ADARB2: variants seen among roughly 807,000 people sequenced by gnomAD.
ADARB2 encodes the protein inactive double-stranded RNA-specific editase B2.
In ADARB2, 25 loss-of-function variants were observed where a neutral mutation model predicts 62.2. That is an observed-to-expected ratio of 0.40 (90% CI 0.29 to 0.56). ADARB2 has a LOEUF of 0.56. Among genes scored for constraint, ADARB2 ranks in the 20% least tolerant of loss-of-function variants. The pLI, the probability that ADARB2 is intolerant of heterozygous loss-of-function variation, is 0.43. For missense variants in ADARB2, 1,071 were observed against 1,077.4 expected, an observed-to-expected ratio of 0.99 and a Z score of 0.08; for synonymous variants, 572 against 500.8, an observed-to-expected ratio of 1.14 and a Z score of -1.90.
intron 1 of ADARB2, among the ~76,000 whole-genome samples, chr10:1,581,570 C>G (rs1833099495): frequency 6.6e-6 from 1 of 152,156 alleles, no homozygotes; most frequent in Admixed American, 6.5e-5. Context: ...ACAGTAACTA[C>G]CACAGGGGTA....
chr10:1,708,144 C>T (rs1261464900), intron 1 of ADARB2, among the ~76,000 whole-genome samples: 2 of 152,186 alleles, frequency 1.3e-5, no homozygotes, highest in Non-Finnish European at 2.9e-5. Context: ...CCTTCTGTCC[C>T]TTGGGGTTCC....
intron 1 of ADARB2, among the ~76,000 whole-genome samples, chr10:1,726,341 A>G (rs1001604327): frequency 2.0e-5 from 3 of 150,794 alleles, no homozygotes; most frequent in African/African-American, 7.3e-5. Flanking sequence ...TGGGTGATTG[A>G]TATGATTCCA....
chr10:1,363,170 A>C lies in ADARB2; in HGVS notation c.935T>G (p.Val312Gly). 6.5e-7 allele frequency: 1 copy of C among 1,536,484 alleles called. No homozygotes were observed. The highest frequency in any genetic ancestry group is 8.7e-7 in the Non-Finnish European group (1 of 1,150,014). Residue 312 changes from valine to glycine, a missense_variant, in exon 3 of 10, where the codon GTG becomes GGG. Coordinates refer to ENST00000381312, the MANE Select transcript of ADARB2 (RefSeq NM_018702.4). ...CGAGCCCTCGAACGTCCTGCCGTCC[A>C]CGCTCACGGCCATCACGAAGCTCCG... is the stretch of plus-strand genomic sequence containing the variant. ...RARSFVMAVSVDGRTFEGSGR... is the reference protein window; with the variant it reads ...RARSFVMAVSGDGRTFEGSGR...
intron 2 of ADARB2, among the ~76,000 whole-genome samples, chr10:1,370,859 T>C (rs1002837838): frequency 3.9e-5 from 6 of 152,220 alleles, no homozygotes; most frequent in African/African-American, 1.4e-4. Flanking sequence ...ATCAGTGTTG[T>C]TAAAATGTCC....
At position 1,178,042 on chromosome 10, in the gene ADARB2, C is replaced by T. The variant is rs1409208928; in HGVS notation, c.*5151G>A. On this transcript the variant is annotated 3_prime_UTR_variant, in exon 10 of 10. Coordinates refer to ENST00000381312, the MANE Select transcript of ADARB2 (RefSeq NM_018702.4). ...GGTGGGAGGTCAGAACATGTGGACA[C>T]ATTCAGGAGAGTCCAAAAATGACTG... 1 of 152,240 alleles carries T rather than the reference C, an allele frequency of 6.6e-6. No homozygotes were observed. Among genetic ancestry groups the T allele is most frequent in the East Asian group, 1.9e-4 (1 of 5,188 alleles). The allele number at this position is 152,240 out of a possible 1,614,324, so 9.4% of individuals were successfully genotyped here.
chr10:1,299,249 G>T (rs921397911), intron 3 of ADARB2, among the ~76,000 whole-genome samples: 1 of 152,036 alleles, frequency 6.6e-6, no homozygotes, highest in Admixed American at 6.5e-5. Context: ...AGCCCGGAAG[G>T]CATCAGGAGC....
intron 1 of ADARB2, among the ~76,000 whole-genome samples, chr10:1,591,168 C>T (rs545952972): frequency 1.3e-5 from 2 of 152,288 alleles, no homozygotes; most frequent in African/African-American, 4.8e-5. Flanking sequence ...AGCCTGGTCC[C>T]CAGGTTATGG....
intron 1 of ADARB2, among the ~76,000 whole-genome samples, chr10:1,514,948 T>C (rs1831990533): frequency 6.6e-6 from 1 of 151,538 alleles, no homozygotes; most frequent in African/African-American, 2.4e-5. Context: ...ATGACCACAG[T>C]AGAGAAAGGA....
intron 1 of ADARB2, among the ~76,000 whole-genome samples, chr10:1,469,807 G>T (rs1349189662): frequency 6.6e-6 from 1 of 152,192 alleles, no homozygotes; most frequent in Non-Finnish European, 1.5e-5. Flanking sequence ...CTAGAGAGAT[G>T]GTAAAAGGGC....
intron 1 of ADARB2, among the ~76,000 whole-genome samples, chr10:1,710,163 G>C (rs1834933505): frequency 6.6e-6 from 1 of 152,148 alleles, no homozygotes; most frequent in Non-Finnish European, 1.5e-5. Flanking sequence ...ATTTATACTA[G>C]TTATTACAGC....
intron 5 of ADARB2, among the ~76,000 whole-genome samples, chr10:1,241,863 G>A (rs1201371803): frequency 1.3e-5 from 2 of 152,200 alleles, no homozygotes; most frequent in African/African-American, 4.8e-5. Context: ...GGCCTTGCCC[G>A]GAAGGACGAG....
intron 6 of ADARB2, among the ~76,000 whole-genome samples, chr10:1,218,456 CAT>C (rs1830653075): frequency 6.6e-6 from 1 of 152,206 alleles, no homozygotes; most frequent in African/African-American, 2.4e-5. Flanking sequence ...CATTTACATA[CAT>C]ATGATAACGT....
rs537088083 is a variant in ADARB2 at position 1,629,464 on chromosome 10, G to A, written c.100+107587C>T. On this transcript the variant is annotated intron_variant, in intron 1 of 9. Transcript: ENST00000381312. Reference sequence around the variant, plus strand: ...TAAAGCCTCAGCGCTCAAGCACCCCGCCAGCGCCCAACCCCGCCCTGCGCC... The same window carrying A: ...TAAAGCCTCAGCGCTCAAGCACCCCACCAGCGCCCAACCCCGCCCTGCGCC... 1.5e-4 allele frequency among the ~76,000 whole-genome samples: 22 copies of A among 151,336 alleles called. No homozygotes were observed. The South Asian group carries it at 2.7e-3, about 19-fold the overall frequency.
intron 1 of ADARB2, among the ~76,000 whole-genome samples, chr10:1,581,846 G>A (rs995342939): frequency 2.6e-4 from 39 of 151,662 alleles, no homozygotes; most frequent in African/African-American, 8.5e-4. Flanking sequence ...GTGTGTGTGT[G>A]TGTGTGTGTG....
chr10:1,537,810 CA>C (rs1485604160), intron 1 of ADARB2, among the ~76,000 whole-genome samples: 6 of 152,028 alleles, frequency 3.9e-5, no homozygotes, highest in Admixed American at 6.6e-5. Context: ...CGGGACCTGT[CA>C]GGGGGTGAGG....
chr10:1,542,808 C>T (rs1306428090), intron 1 of ADARB2, among the ~76,000 whole-genome samples: 2 of 126,124 alleles, frequency 1.6e-5, no homozygotes, highest in African/African-American at 5.6e-5. Context: ...GCCGCCCAGA[C>T]CCCACTCAGA....
At chr10:1,368,573 T>G (rs1464144341) in intron 2 of ADARB2, among the ~76,000 whole-genome samples, 2 of 152,240 alleles carry the variant, frequency 1.3e-5, no homozygotes, top group Middle Eastern at 3.4e-3. Flanking sequence ...GTCTCCCTCC[T>G]TGAGAGGAGT....
At chr10:1,490,995 A>G (rs930584942) in intron 1 of ADARB2, among the ~76,000 whole-genome samples, 1 of 152,228 alleles carries the variant, frequency 6.6e-6, no homozygotes, top group Admixed American at 6.5e-5. Flanking sequence ...AGGAACAATG[A>G]AAAAGTAACT....
chr10:1,327,520 T>C (rs368973377), intron 3 of ADARB2, among the ~76,000 whole-genome samples: 319 of 5,402 alleles, frequency 0.059, 2 homozygotes, highest in Middle Eastern at 0.1. Context: ...CGCCTCCCCA[T>C]GGCACAGCGC....
Sources: allele counts gnomAD v4.1 joint callset (sites outside exome capture counted in the v4.1 genomes callset), GRCh38; gene constraint gnomAD v4.1.1; transcripts MANE v1.5; gene names NCBI Gene and HGNC (gene_info 2026-07-23, HGNC 2026-07-21).